Variants in BMP7 observed in about 807,000 individuals in gnomAD.
The protein encoded by BMP7 is bone morphogenetic protein 7, also known as osteogenic protein 1.
BMP7 carries 12 observed loss-of-function variants against 41.2 expected under a neutral mutation model. The ratio of observed to expected loss-of-function variants is 0.29; its 90% CI spans 0.19 to 0.47. The LOEUF is 0.47. BMP7 is among the 20% of genes least tolerant of loss of function. The pLI is 0.99. For synonymous variants in BMP7, 248 were observed against 250.0 expected (o/e 0.99, Z 0.07); for missense variants, 467 against 606.0 (o/e 0.77, Z 2.41).
At chr20:57,209,251 A>ATATT (rs1555814055) in intron 2 of BMP7, among the ~76,000 whole-genome samples, 1 of 61,670 alleles carries the variant, frequency 1.6e-5, no homozygotes, top group Non-Finnish European at 2.8e-5. Context: ...ATATATTTTT[A>ATATT]TATATATATA....
rs1984950047 is a variant in BMP7 at position 57,213,837 on chromosome 20, A to G, written c.612-11214T>C. Among the ~76,000 whole-genome samples the G allele has an allele frequency of 6.6e-6, 1 of 152,208 alleles. No homozygotes were observed. The highest frequency in any genetic ancestry group is 2.4e-5 in the African/African-American group (1 of 41,452). Reference sequence around the variant, plus strand: ...CTGAGCAAGTCAGTCTCTGTCCATCAGGTTCTTTTGTTTGTAAAATGGAGG... The same window carrying G: ...CTGAGCAAGTCAGTCTCTGTCCATCGGGTTCTTTTGTTTGTAAAATGGAGG... On this transcript the variant is annotated intron_variant, in intron 2 of 6. Coordinates refer to ENST00000395863, the MANE Select transcript of BMP7 (RefSeq NM_001719.3). The surrounding 1 kb of genome is among the most constrained non-coding windows in gnomAD (Gnocchi z 4.4).
intron 2 of BMP7, among the ~76,000 whole-genome samples, chr20:57,227,632 T>G (rs1470778123): frequency 6.6e-6 from 1 of 152,188 alleles, no homozygotes; most frequent in Non-Finnish European, 1.5e-5. Context: ...CATTTCTGCC[T>G]CGGGACTGTC....
intron 4 of BMP7, chr20:57,177,828 G>A (rs1287935650): frequency 6.6e-6 from 1 of 152,210 alleles, no homozygotes; most frequent in East Asian, 1.9e-4. Context: ...TGGGGCAGGA[G>A]CGCTTGCCCC....
Position 57,228,517 on chromosome 20 carries a change from A to G in BMP7, c.419-96T>C, listed in dbSNP as rs2066016968. 2 of 1,445,642 alleles carry G rather than the reference A, an allele frequency of 1.4e-6. No individual in the cohort carries two copies. Among genetic ancestry groups the G allele is most frequent in the Non-Finnish European group, 1.9e-6 (2 of 1,029,200 alleles). The allele number at this position is 1,445,642 out of a possible 1,614,324, so 89.6% of individuals were successfully genotyped here. On this transcript the variant is annotated intron_variant, in intron 1 of 6. Transcript: ENST00000395863. This position sits in a 1 kb window ranked among gnomAD's most constrained non-coding sequence, Gnocchi z 4.5. ...AGTCCAAGCATCTTGCCTAAGCTAGATGGAGGCATGCCCATTGCCAGTGAC... is the reference window on the plus strand; with the variant it reads ...AGTCCAAGCATCTTGCCTAAGCTAGGTGGAGGCATGCCCATTGCCAGTGAC...
rs1050886262 is a variant in BMP7 at position 57,226,971 on chromosome 20, C to T, written c.611+1258G>A. Among the ~76,000 whole-genome samples the T allele has an allele frequency of 8.6e-5, 13 of 152,024 alleles. No homozygotes were observed. In the East Asian group the frequency reaches 1.2e-3, roughly 14 times the overall value. On this transcript the variant is annotated intron_variant, in intron 2 of 6. Transcript: ENST00000395863. ...CCTCCCAAGTAGCTGGGATTACAGG[C>T]GCCCGCCACCATGCCTGGCTAATTT...
chr20:57,172,147 C>T (rs1398811717), intron 6 of BMP7, among the ~76,000 whole-genome samples: 2 of 152,142 alleles, frequency 1.3e-5, no homozygotes, highest in African/African-American at 4.8e-5. Flanking sequence ...AGAGATGTGT[C>T]CCCTGGCAGC....
chr20:57,200,235 A>G (rs1043450291), intron 3 of BMP7, among the ~76,000 whole-genome samples: 2 of 152,312 alleles, frequency 1.3e-5, no homozygotes, highest in Middle Eastern at 3.4e-3. Flanking sequence ...GATGGAAACT[A>G]TTATTAACCC....
At chr20:57,186,339 T>C (rs1048457434) in intron 3 of BMP7, among the ~76,000 whole-genome samples, 10 of 151,968 alleles carry the variant, frequency 6.6e-5, no homozygotes, top group South Asian at 6.2e-4. Flanking sequence ...GGGAGGAAAA[T>C]AGAGGGAGCA....
At chr20:57,241,984 G>A (rs1389394955) in intron 1 of BMP7, among the ~76,000 whole-genome samples, 1 of 152,198 alleles carries the variant, frequency 6.6e-6, no homozygotes, top group Non-Finnish European at 1.5e-5. Context: ...TGGGCCGCAA[G>A]CACATGTTGC....
rs1171281120 is a variant in BMP7, at chr20:57,215,307, T to C, written c.612-12684A>G. The stretch of plus-strand genomic sequence containing the variant: ...TGAGTGCCCCCATTTACTGTCCCCA[T>C]CACCTCTTCGGAGCCACCTCCTTTC... On this transcript the variant is annotated intron_variant, in intron 2 of 6. Transcript: ENST00000395863. The surrounding 1 kb of genome is among the most constrained non-coding windows in gnomAD (Gnocchi z 4.2). Among the ~76,000 whole-genome samples the C allele has an allele frequency of 1.3e-5, 2 of 152,186 alleles. No homozygotes were observed. Among genetic ancestry groups the C allele is most frequent in the South Asian group, 4.1e-4 (2 of 4,824 alleles).
intron 1 of BMP7, among the ~76,000 whole-genome samples, chr20:57,265,044 AAAG>A (rs1432589850): frequency 1.5e-5 from 2 of 137,352 alleles, no homozygotes; most frequent in African/African-American, 6.2e-5. Context: ...AAAAAAAAAA[AAAG>A]AAAAGAAAAG....
chr20:57,219,368 G>A (rs375294188), intron 2 of BMP7, among the ~76,000 whole-genome samples: 45 of 145,084 alleles, frequency 3.1e-4, no homozygotes, highest in African/African-American at 1.2e-3. Flanking sequence ...GTTCAACTTC[G>A]GCTGTGTCAC....
rs377068222 is a variant in BMP7 at position 57,240,932 on chromosome 20, G to A, written c.419-12511C>T. On this transcript the variant is annotated intron_variant, in intron 1 of 6. Transcript: ENST00000395863. The stretch of plus-strand genomic sequence containing the variant: ...AGGGACACAGCCAAACCATATCAGT[G>A]ACCATCCTGATGGCTGTGAGGTGGG... 1.1e-4 allele frequency among the ~76,000 whole-genome samples: 16 copies of A among 152,294 alleles called. No individual in the cohort carries two copies. In the South Asian group the frequency reaches 3.3e-3, roughly 32 times the overall value.
At chr20:57,191,960 C>T (rs1436861453) in intron 3 of BMP7, among the ~76,000 whole-genome samples, 41 of 121,776 alleles carry the variant, frequency 3.4e-4, no homozygotes, top group Admixed American at 6.4e-4. Flanking sequence ...ATAGTATATA[C>T]CACATAATAT....
At chr20:57,243,650 G>A (rs1273885332) in intron 1 of BMP7, among the ~76,000 whole-genome samples, 1 of 152,072 alleles carries the variant, frequency 6.6e-6, no homozygotes, top group African/African-American at 2.4e-5. Context: ...CCAAGCACCT[G>A]GCGAGTGGTA....
At chr20:57,172,518 C>T (rs565454032) in intron 6 of BMP7, among the ~76,000 whole-genome samples, 10 of 152,164 alleles carry the variant, frequency 6.6e-5, no homozygotes, top group Non-Finnish European at 1.3e-4. Flanking sequence ...GCATTCAAGG[C>T]AGGGTGGATG....
At position 57,202,562 on chromosome 20, in the gene BMP7, C is replaced by G. The variant is rs1242190341; in HGVS notation, c.673G>C (p.Val225Leu). 6.2e-7 allele frequency: 1 copy of G among 1,612,144 alleles called. No individual in the cohort carries two copies. Among genetic ancestry groups the G allele is most frequent in the African/African-American group, 1.3e-5 (1 of 74,840 alleles). ...TTGCTGGTGGCTGTGATGTCAAACACCAGCCAGCCCTCCTCCGAGGCCCAG... is the reference window on the plus strand; with the variant it reads ...TTGCTGGTGGCTGTGATGTCAAACAGCAGCCAGCCCTCCTCCGAGGCCCAG... ...TLWASEEGWL[V>L]FDITATSNHW... The change falls in exon 3 of 7, where the codon GTG becomes CTG. Residue 225 changes from valine to leucine, a missense_variant. Transcript: ENST00000395863.
chr20:57,202,535 G>T lies in BMP7; in HGVS notation c.700C>A (p.His234Asn), dbSNP rs749814408. The T allele has an allele frequency of 1.1e-5, 18 of 1,611,040 alleles. No homozygotes were observed. The South Asian group carries it at 2.0e-4, about 18-fold the overall frequency. The change falls in exon 3 of 7, where the codon CAC becomes AAC. Residue 234 changes from histidine to asparagine, a missense_variant. Around this residue, in one of 2 missense-constraint regions of BMP7, gnomAD observed 407 missense variants for 485.9 expected, o/e 0.84. Transcript: ENST00000395863. ...TTGTGCCGCGGATTGACCACCCAGTGGTTGCTGGTGGCTGTGATGTCAAAC... is the reference window on the plus strand; with the variant it reads ...TTGTGCCGCGGATTGACCACCCAGTTGTTGCTGGTGGCTGTGATGTCAAAC... ...LVFDITATSN[H>N]WVVNPRHNLG... is the part of the protein sequence containing the mutation.
At chr20:57,211,231 T>C (rs1984875262) in intron 2 of BMP7, among the ~76,000 whole-genome samples, 1 of 152,210 alleles carries the variant, frequency 6.6e-6, no homozygotes, top group Non-Finnish European at 1.5e-5. Context: ...TAATATCACC[T>C]TAATACCACC....
Sources: allele counts gnomAD v4.1 joint callset (sites outside exome capture counted in the v4.1 genomes callset), GRCh38; gene constraint gnomAD v4.1.1; regional missense constraint gnomAD v4.1.1; non-coding constraint Gnocchi (gnomAD v3.1); transcripts MANE v1.5; gene names NCBI Gene and HGNC (gene_info 2026-07-23, HGNC 2026-07-21).